FHL2: variants seen among roughly 807,000 people sequenced by gnomAD.
FHL2 encodes four and a half LIM domains 2, also known as four and a half LIM domains protein 2.
Under a neutral mutation model 32.7 loss-of-function variants are expected in FHL2, and 20 were observed. That is an observed-to-expected ratio of 0.61 (90% CI 0.43 to 0.89). The LOEUF (loss-of-function observed/expected upper bound fraction) is 0.89. Ranked by LOEUF, FHL2 falls within the 40% of genes least tolerant of loss-of-function variation. The probability of loss-of-function intolerance (pLI) is 0.00; values close to 1 mark genes in which losing one functional copy is unlikely to be tolerated. For synonymous variants in FHL2, 123 were observed against 128.1 expected, an observed-to-expected ratio of 0.96 and a Z score of 0.27; for missense variants, 311 against 358.6, an observed-to-expected ratio of 0.87 and a Z score of 1.07.
At chr2:105,367,849 C>T in intron 4 of FHL2, 110 bp from the exon 5 acceptor site, 2 of 1,095,436 alleles carry the variant, frequency 1.8e-6, no homozygotes, top group Admixed American at 2.6e-5. Flanking sequence ...CCAGAGCAAG[C>T]CACTTCAGCT....
chr2:105,401,858 T>C (rs1295777382), upstream of FHL2, among the ~76,000 whole-genome samples: 2 of 152,114 alleles, frequency 1.3e-5, no homozygotes, highest in African/African-American at 4.8e-5. Flanking sequence ...TGTATATTTA[T>C]AAGCGGTTGC....
intron 1 of FHL2, among the ~76,000 whole-genome samples, chr2:105,437,938 T>A (rs926715216): frequency 5.3e-5 from 8 of 152,238 alleles, no homozygotes; most frequent in Non-Finnish European, 1.2e-4. Context: ...TGTCTTTTCA[T>A]CCCAGGCTTT....
chr2:105,381,881 C>A (rs1007744400), intron 3 of FHL2, among the ~76,000 whole-genome samples: 1 of 152,060 alleles, frequency 6.6e-6, no homozygotes, highest in African/African-American at 2.4e-5. Flanking sequence ...GTGCTCTTCC[C>A]AGAAAAGGGT....
intron 5 of FHL2, among the ~76,000 whole-genome samples, chr2:105,367,055 T>C (rs1414696348): frequency 6.6e-6 from 1 of 152,234 alleles, no homozygotes; most frequent in African/African-American, 2.4e-5. Flanking sequence ...ATTACAGGCA[T>C]GAGCCTCCAT....
intron 5 of FHL2, among the ~76,000 whole-genome samples, chr2:105,364,617 CAGAG>C (rs1231974204): frequency 2.0e-5 from 3 of 152,182 alleles, no homozygotes; most frequent in Non-Finnish European, 4.4e-5. Flanking sequence ...AGTAAGCTAT[CAGAG>C]AGGAGTGTAG....
chr2:105,397,928 C>T (rs1683260551), intron 1 of FHL2, among the ~76,000 whole-genome samples: 1 of 150,330 alleles, frequency 6.7e-6, no homozygotes, highest in Admixed American at 6.6e-5. Context: ...AGTGCAAAAC[C>T]TCTTTTCTTT....
chr2:105,410,881 C>T (rs1230880319), intron 1 of FHL2, among the ~76,000 whole-genome samples: 1 of 152,134 alleles, frequency 6.6e-6, no homozygotes, highest in Non-Finnish European at 1.5e-5. Context: ...TGCCAACATT[C>T]GAAAATGGAC....
intron 5 of FHL2, among the ~76,000 whole-genome samples, chr2:105,364,863 C>T (rs897140323): frequency 7.9e-5 from 12 of 152,130 alleles, no homozygotes; most frequent in East Asian, 7.7e-4. Flanking sequence ...TGGTTAATGA[C>T]GAAGCAGGAA....
intron 1 of FHL2, among the ~76,000 whole-genome samples, chr2:105,433,004 G>C (rs547773944): frequency 6.6e-6 from 1 of 152,162 alleles, no homozygotes; most frequent in Non-Finnish European, 1.5e-5. Flanking sequence ...CAACAGTTTG[G>C]TTCAGCAAAT....
At chr2:105,433,502 T>G (rs1374248348) in intron 1 of FHL2, among the ~76,000 whole-genome samples, 1 of 152,178 alleles carries the variant, frequency 6.6e-6, no homozygotes, top group Admixed American at 6.5e-5. Context: ...GATGAGGTCC[T>G]TTCTCCGTTG....
chr2:105,409,551 C>A (rs948920087), intron 1 of FHL2, among the ~76,000 whole-genome samples: 1 of 152,170 alleles, frequency 6.6e-6, no homozygotes, highest in Non-Finnish European at 1.5e-5. Flanking sequence ...ACATAATTAA[C>A]AGCTTGGTGC....
At chr2:105,380,409 T>G (rs1483896511) in intron 3 of FHL2, among the ~76,000 whole-genome samples, 1 of 152,152 alleles carries the variant, frequency 6.6e-6, no homozygotes, top group Non-Finnish European at 1.5e-5. Flanking sequence ...ATCTATCTGT[T>G]TAGAGACAGG....
At chr2:105,388,916 C>G (rs1289225809) in intron 2 of FHL2, among the ~76,000 whole-genome samples, 1 of 152,252 alleles carries the variant, frequency 6.6e-6, no homozygotes, top group South Asian at 2.1e-4. Context: ...GTTCAATTTG[C>G]AGTCTTCAAA....
chr2:105,407,509 G>A (rs1197506011), intron 1 of FHL2, among the ~76,000 whole-genome samples: 1 of 151,880 alleles, frequency 6.6e-6, no homozygotes, highest in African/African-American at 2.4e-5. Context: ...TTCCCATTTA[G>A]GCAGTCGAGT....
chr2:105,369,289 C>T (rs1680856132), intron 4 of FHL2, among the ~76,000 whole-genome samples: 1 of 152,168 alleles, frequency 6.6e-6, no homozygotes, highest in Non-Finnish European at 1.5e-5. Context: ...ATAGACTAGT[C>T]CATAGCTCTC....
intron 3 of FHL2, among the ~76,000 whole-genome samples, chr2:105,381,413 C>T (rs574415620): frequency 5.9e-5 from 9 of 152,176 alleles, no homozygotes; most frequent in East Asian, 3.9e-4. Context: ...GACATGGAAA[C>T]GGAGGCTTAT....
chr2:105,359,149 TGGA>T (rs1376458715), downstream of FHL2: 1 of 152,210 alleles, frequency 6.6e-6, no homozygotes, highest in Non-Finnish European at 1.5e-5. Flanking sequence ...ACTGTTAATT[TGGA>T]GGAGAATTAG....
At chr2:105,400,086 G>T (rs1431254260), upstream of FHL2, among the ~76,000 whole-genome samples, 1 of 152,108 alleles carries the variant, frequency 6.6e-6, no homozygotes, top group Non-Finnish European at 1.5e-5. Flanking sequence ...GCTTCCACTC[G>T]GTGAGCACTA....
At chr2:105,368,121 G>A (rs986454853) in intron 4 of FHL2, among the ~76,000 whole-genome samples, 3 of 152,186 alleles carry the variant, frequency 2.0e-5, no homozygotes, top group Admixed American at 2.0e-4. Flanking sequence ...TCTAGGGACT[G>A]TATTCACCTA....
Sources: allele counts gnomAD v4.1 joint callset (sites outside exome capture counted in the v4.1 genomes callset), GRCh38; gene constraint gnomAD v4.1.1; transcripts MANE v1.5; gene names NCBI Gene and HGNC (gene_info 2026-07-23, HGNC 2026-07-21).